Variants in ENPP4 observed in about 807,000 individuals in gnomAD.
ENPP4 encodes bis(5'-adenosyl)-triphosphatase ENPP4.
In ENPP4, 18 loss-of-function variants were observed where a neutral mutation model predicts 33.4. The ratio of observed to expected loss-of-function variants is 0.54; its 90% CI spans 0.37 to 0.80. The LOEUF (loss-of-function observed/expected upper bound fraction) is 0.80. ENPP4 is among the 30% of genes least tolerant of loss of function. The pLI, the probability that ENPP4 is intolerant of heterozygous loss-of-function variation, is 0.00. For missense variants in ENPP4, 480 were observed against 541.7 expected, an observed-to-expected ratio of 0.89 and a Z score of 1.13; for synonymous variants, 172 against 189.9, an observed-to-expected ratio of 0.91 and a Z score of 0.78.
At chr6:46,141,785 A>G (rs535069471) in intron 3 of ENPP4, among the ~76,000 whole-genome samples, 1 of 151,838 alleles carries the variant, frequency 6.6e-6, no homozygotes, top group African/African-American at 2.4e-5. Flanking sequence ...ACTGAAGCTT[A>G]TTTATCCATA....
At chr6:46,142,416 A>AT (rs1215255697) in intron 3 of ENPP4, among the ~76,000 whole-genome samples, 3 of 10,724 alleles carry the variant, frequency 2.8e-4, no homozygotes, top group Non-Finnish European at 5.5e-4. Context: ...TATAATTATA[A>AT]TATATATTTT....
chr6:46,146,296 A>G lies in ENPP4; in HGVS notation c.*2656A>G, dbSNP rs1042480517. The G allele has an allele frequency of 6.6e-6, 1 of 152,376 alleles. No individual in the cohort carries two copies. The highest frequency in any genetic ancestry group is 1.5e-5 in the Non-Finnish European group (1 of 67,856). 9.4% of individuals were successfully genotyped at this position (152,376 alleles called of 1,614,324 possible). On this transcript the variant is annotated 3_prime_UTR_variant, in exon 4 of 4. Coordinates refer to ENST00000321037, the MANE Select transcript of ENPP4 (RefSeq NM_014936.5). ...TTATTCCACTAGGAATGGCATAAGA[A>G]TTTATAGATAAATTCTTGTAACATT...
chr6:46,130,871 G>A (rs1402082599), intron 1 of ENPP4, among the ~76,000 whole-genome samples: 1 of 152,202 alleles, frequency 6.6e-6, no homozygotes, highest in African/African-American at 2.4e-5. Flanking sequence ...GCAGATTCAG[G>A]TTTACACCAG....
chr6:46,140,742 G>C (rs566811877), intron 2 of ENPP4, among the ~76,000 whole-genome samples: 1 of 151,758 alleles, frequency 6.6e-6, no homozygotes, highest in South Asian at 2.1e-4. Context: ...ACTGATCATA[G>C]AAGTAGTAGT....
At chr6:46,141,961 C>T (rs2127492968) in intron 3 of ENPP4, among the ~76,000 whole-genome samples, 1 of 151,516 alleles carries the variant, frequency 6.6e-6, no homozygotes, top group South Asian at 2.1e-4. Context: ...GTAAAAGTAG[C>T]CATAGACAAC....
At chr6:46,142,166 T>A (rs1430630205) in intron 3 of ENPP4, among the ~76,000 whole-genome samples, 3 of 151,282 alleles carry the variant, frequency 2.0e-5, no homozygotes, top group African/African-American at 7.3e-5. Flanking sequence ...GCATATTTGT[T>A]GTTGACAACC....
chr6:46,132,326 G>T (rs796141248), intron 1 of ENPP4, among the ~76,000 whole-genome samples: 38 of 151,744 alleles, frequency 2.5e-4, no homozygotes, highest in South Asian at 1.5e-3. Context: ...TGAATTGATT[G>T]TTGTATAAGG....
rs568528855 is a variant in ENPP4 at position 46,141,683 on chromosome 6, C to T, written c.997+461C>T. On this transcript the variant is annotated intron_variant, in intron 3 of 3. Coordinates refer to ENST00000321037, the MANE Select transcript of ENPP4 (RefSeq NM_014936.5). ...AGAACCAGAAAGTAACCAAACAAAT[C>T]CACCAAGTGAACAAAATAGATACAT... 4.2e-4 allele frequency among the ~76,000 whole-genome samples: 64 copies of T among 151,660 alleles called. 2 individuals are homozygous for T. In the South Asian group the frequency reaches 0.013, roughly 30 times the overall value.
intron 1 of ENPP4, among the ~76,000 whole-genome samples, chr6:46,130,677 A>G (rs901274149): frequency 2.0e-5 from 3 of 152,238 alleles, no homozygotes; most frequent in Non-Finnish European, 4.4e-5. Context: ...CAAACAATAA[A>G]AGGTACATTT....
chr6:46,133,243 A>G (rs1264490444), intron 1 of ENPP4, among the ~76,000 whole-genome samples: 1 of 152,188 alleles, frequency 6.6e-6, no homozygotes. Context: ...ATTTCTGTGT[A>G]TTTTACAAAA....
rs1488115401 is a variant in ENPP4, at chr6:46,146,625, G to T, written c.*2985G>T. ...GTTCAGAATTAATGACTTTGTTCATGATTTTTAAAATGTGTGTGAATAAAA... is the reference window on the plus strand; with the variant it reads ...GTTCAGAATTAATGACTTTGTTCATTATTTTTAAAATGTGTGTGAATAAAA... On this transcript the variant is annotated 3_prime_UTR_variant, in exon 4 of 4. Coordinates refer to ENST00000321037, the MANE Select transcript of ENPP4 (RefSeq NM_014936.5). The T allele has an allele frequency of 1.3e-5, 2 of 151,924 alleles. No individual in the cohort carries two copies. Among genetic ancestry groups the T allele is most frequent in the African/African-American group, 4.8e-5 (2 of 41,386 alleles). The allele number at this position is 151,924 out of a possible 1,614,324, so 9.4% of individuals were successfully genotyped here.
rs1764024076 is a variant in ENPP4 at position 46,139,538 on chromosome 6, T to C, written c.-33-13T>C. On this transcript the variant is annotated splice_polypyrimidine_tract_variant and intron_variant, in intron 1 of 3. Coordinates refer to ENST00000321037, the MANE Select transcript of ENPP4 (RefSeq NM_014936.5). ...TAGAATTACTACTTATGAGTTGTGT[T>C]TTTACATTTTAGGAACCCTGATTGC... 1 of 1,039,500 alleles carries C rather than the reference T, an allele frequency of 9.6e-7. No individual in the cohort carries two copies. Among genetic ancestry groups the C allele is most frequent in the East Asian group, 2.4e-5 (1 of 42,258 alleles). The allele number at this position is 1,039,500 out of a possible 1,614,324, so 64.4% of individuals were successfully genotyped here. A position where few individuals can be genotyped will look rare whatever the true frequency, so the allele number is the denominator to read the frequency against.
chr6:46,138,704 T>G (rs9472695), intron 1 of ENPP4, among the ~76,000 whole-genome samples: 14,704 of 151,874 alleles, frequency 0.097, 838 homozygotes, highest in East Asian at 0.16. Flanking sequence ...ATGTCCTATT[T>G]TCTTAGAGAC....
At position 46,143,613 on chromosome 6, in the gene ENPP4, A is replaced by T. The variant is rs1175337483; in HGVS notation, c.1335A>T (p.Glu445Asp). ...PRPFSRLQLQ[E>D]DDDDPLIG ...CATTTTCTCGACTTCAGCTACAAGA[A>T]GATGATGATGATCCTTTAATTGGGT... Residue 445 changes from glutamate (E) to aspartate (D), a missense_variant, in exon 4 of 4, where the codon GAA becomes GAT. Around this residue, in one of 3 missense-constraint regions of ENPP4, gnomAD observed 249 missense variants for 251.8 expected, o/e 0.99. Coordinates refer to ENST00000321037, the MANE Select transcript of ENPP4 (RefSeq NM_014936.5). The T allele has an allele frequency of 3.7e-6, 6 of 1,611,308 alleles. No homozygotes were observed. In the Admixed American group the frequency reaches 5.0e-5, roughly 13 times the overall value.
In ENPP4 at chr6:46,145,312, C is replaced by G. The variant is rs1303839423; in HGVS notation, c.*1672C>G. ...GTGGTTGTTGAGAGGCATTTTCAAA[C>G]CCTGTATAAATAATCCATGCTGTTG... On this transcript the variant is annotated 3_prime_UTR_variant, in exon 4 of 4. Transcript: ENST00000321037. 1 of 187,736 alleles carries G rather than the reference C, an allele frequency of 5.3e-6. No individual in the cohort carries two copies. The highest frequency in any genetic ancestry group is 1.1e-5 in the Non-Finnish European group (1 of 92,312). 11.6% of individuals were successfully genotyped at this position (187,736 alleles called of 1,614,324 possible).
Position 46,143,271 on chromosome 6 carries a change from T to C in ENPP4, c.998-5T>C, listed in dbSNP as rs774710821. 8 of 1,557,040 alleles carry C rather than the reference T, an allele frequency of 5.1e-6. No individual in the cohort carries two copies. Among genetic ancestry groups the C allele is most frequent in the Non-Finnish European group, 6.1e-6 (7 of 1,149,100 alleles). On this transcript the variant is annotated splice_polypyrimidine_tract_variant and splice_region_variant and intron_variant, in intron 3 of 3. Coordinates refer to ENST00000321037, the MANE Select transcript of ENPP4 (RefSeq NM_014936.5). Reference sequence around the variant, plus strand: ...ATTGACTGATGTTGTTTTGTTCTTTTTCAGTAGGTGACCATGGTTATGATA... The same window carrying C: ...ATTGACTGATGTTGTTTTGTTCTTTCTCAGTAGGTGACCATGGTTATGATA...
chr6:46,142,766 TCTAA>T (rs1462233078), intron 3 of ENPP4, among the ~76,000 whole-genome samples: 2 of 151,666 alleles, frequency 1.3e-5, no homozygotes, highest in Non-Finnish European at 3.0e-5. Flanking sequence ...TTTCTTTAAG[TCTAA>T]CTTTTACTGG....
At chr6:46,131,659 T>G (rs1763902832) in intron 1 of ENPP4, among the ~76,000 whole-genome samples, 1 of 152,132 alleles carries the variant, frequency 6.6e-6, no homozygotes, top group Admixed American at 6.5e-5. Flanking sequence ...TTATAGTCCT[T>G]TGGGTATATA....
chr6:46,140,882 G>A (rs141638697), intron 2 of ENPP4, among the ~76,000 whole-genome samples, 170 bp from the exon 3 acceptor site: 1 of 151,694 alleles, frequency 6.6e-6, no homozygotes, highest in East Asian at 1.9e-4. Context: ...AAAGGTGTGT[G>A]TTTGTGTGTA....
Sources: gnomAD v4.1 joint callset for allele counts (sites outside exome capture counted in the v4.1 genomes callset) on GRCh38, gnomAD v4.1.1 for gene constraint, gnomAD v4.1.1 regional missense constraint, MANE v1.5 for transcripts, NCBI Gene and HGNC (gene_info 2026-07-23, HGNC 2026-07-21) for gene names.